The following HK2 variants were observed in gnomAD, a reference collection of about 807,000 sequenced individuals.
HK2 encodes the protein hexokinase 2.
Under a neutral mutation model 92.9 loss-of-function variants are expected in HK2, and 42 were observed. The observed-to-expected ratio is 0.45, with a 90% CI of 0.35 to 0.58. HK2 has a LOEUF of 0.58. HK2 is among the 20% of genes least tolerant of loss of function. HK2 has a pLI of 0.00. For synonymous variants in HK2, 422 were observed against 468.0 expected (o/e 0.90, Z 1.27); for missense variants, 978 against 1,245.1 (o/e 0.79, Z 3.23).
intron 16 of HK2, among the ~76,000 whole-genome samples, 194 bp downstream of exon 16, chr2:74,888,252 C>T (rs2279429): frequency 0.48 from 72,370 of 152,178 alleles, 18,130 homozygotes; most frequent in Middle Eastern, 0.74. Flanking sequence ...AGAGCATTCT[C>T]ATGAAAGTTT....
chr2:74,835,542 A>C (rs1018138808), intron 1 of HK2, among the ~76,000 whole-genome samples: 3 of 148,890 alleles, frequency 2.0e-5, no homozygotes, highest in Admixed American at 2.0e-4. Flanking sequence ...CGGCCGGGTC[A>C]TTTACATAAG....
rs1349052801 is a variant in HK2, at chr2:74,874,374, A to G, written c.800A>G (p.Asp267Gly). 6.2e-7 allele frequency: 1 copy of G among 1,613,878 alleles called. No homozygotes were observed. Among genetic ancestry groups the G allele is most frequent in the Non-Finnish European group, 8.5e-7 (1 of 1,179,962 alleles). Residue 267 changes from aspartate (D) to glycine (G), a missense_variant, in exon 7 of 18, where the codon GAT becomes GGT. Physicochemically the swap from Asp to Gly is moderately conservative, Grantham distance 94. This residue lies in a region of HK2 where 742 missense variants were observed against 922.5 expected (regional missense o/e 0.80). Transcript: ENST00000290573. ...ATGGAGTGGGGGGCCTTCGGGGACGATGGCTCGCTCAACGACATTCGCACT... is the reference window on the plus strand; with the variant it reads ...ATGGAGTGGGGGGCCTTCGGGGACGGTGGCTCGCTCAACGACATTCGCACT... ...INMEWGAFGD[D>G]GSLNDIRTEF...
At chr2:74,873,674 G>A (rs1689153795) in intron 5 of HK2, among the ~76,000 whole-genome samples, 170 bp from the exon 6 acceptor site, 1 of 151,984 alleles carries the variant, frequency 6.6e-6, no homozygotes, top group Admixed American at 6.5e-5. Flanking sequence ...GGAGTGGAAT[G>A]GCTCAGAGAG....
chr2:74,885,895 A>G (rs961592525), intron 13 of HK2, among the ~76,000 whole-genome samples: 8 of 140,314 alleles, frequency 5.7e-5, no homozygotes, highest in African/African-American at 2.5e-4. Context: ...CAGTAAAGGA[A>G]TAAAAGAATG....
At chr2:74,848,761 C>T (rs1239974674) in intron 1 of HK2, among the ~76,000 whole-genome samples, 1 of 152,164 alleles carries the variant, frequency 6.6e-6, no homozygotes, top group Non-Finnish European at 1.5e-5. Context: ...TGATCAAGGC[C>T]AGGTTCCCAC....
intron 2 of HK2, among the ~76,000 whole-genome samples, chr2:74,855,788 A>G (rs969035996): frequency 1.3e-5 from 2 of 152,190 alleles, no homozygotes; most frequent in African/African-American, 2.4e-5. Flanking sequence ...CCCAGCTGGT[A>G]GAGCACAAGA....
intron 2 of HK2, among the ~76,000 whole-genome samples, chr2:74,858,230 C>T (rs551225719): frequency 2.6e-5 from 4 of 152,184 alleles, no homozygotes; most frequent in Admixed American, 2.6e-4. Context: ...AAGAAAGTTG[C>T]TAGTCAGAAC....
intron 12 of HK2, among the ~76,000 whole-genome samples, chr2:74,885,085 G>GCGT: frequency 6.6e-6 from 1 of 152,214 alleles, no homozygotes; most frequent in Non-Finnish European, 1.5e-5. Context: ...GGAAGAAGTT[G>GCGT]CACAGCAGGG....
chr2:74,871,987 T>C (rs1434550777), intron 3 of HK2, among the ~76,000 whole-genome samples: 1 of 152,200 alleles, frequency 6.6e-6, no homozygotes, highest in African/African-American at 2.4e-5. Flanking sequence ...CTGATTAATG[T>C]TGGCCATGAT....
At chr2:74,860,836 A>T (rs558916615) in intron 2 of HK2, among the ~76,000 whole-genome samples, 36 of 152,306 alleles carry the variant, frequency 2.4e-4, no homozygotes, top group African/African-American at 8.4e-4. Context: ...AAATTGTTGA[A>T]CCATTTATAC....
intron 15 of HK2, among the ~76,000 whole-genome samples, chr2:74,887,107 G>A (rs1433244259): frequency 1.3e-5 from 2 of 152,190 alleles, no homozygotes; most frequent in Non-Finnish European, 2.9e-5. Context: ...AGGGGAGCGG[G>A]GTCTGAGCTA....
intron 1 of HK2, among the ~76,000 whole-genome samples, chr2:74,837,997 T>A (rs1465128077): frequency 6.6e-6 from 1 of 152,170 alleles, no homozygotes; most frequent in Non-Finnish European, 1.5e-5. Flanking sequence ...TTTGTGGCCC[T>A]GAACTCTGCT....
intron 4 of HK2, 74 bp from the exon 5 acceptor site, chr2:74,873,202 C>T (rs1238142983): frequency 1.6e-5 from 17 of 1,062,404 alleles, no homozygotes; most frequent in Non-Finnish European, 2.2e-5. Context: ...CTGCTAATGA[C>T]GGAGGTTTGA....
chr2:74,850,519 G>A (rs1244901439), intron 1 of HK2, among the ~76,000 whole-genome samples: 2 of 151,982 alleles, frequency 1.3e-5, no homozygotes, highest in Admixed American at 6.6e-5. Context: ...TGGGATTTTC[G>A]AACTAGTTAC....
chr2:74,872,385 T>G lies in HK2; in HGVS notation c.461T>G (p.Phe154Cys). ...KDKKLPLGFT[F>C]SFPCHQTKLD... ...AAGAAGCTCCCACTGGGTTTTACCTTCTCGTTCCCCTGCCACCAGACTAAA... is the reference window on the plus strand; with the variant it reads ...AAGAAGCTCCCACTGGGTTTTACCTGCTCGTTCCCCTGCCACCAGACTAAA... Residue 154 changes from phenylalanine to cysteine, a missense_variant, in exon 4 of 18, where the codon TTC becomes TGC. Phe to Cys is a radical substitution (Grantham distance 205). This residue lies in a region of HK2 where 189 missense variants were observed against 289.5 expected (regional missense o/e 0.65). Transcript: ENST00000290573. 1 of 1,614,096 alleles carries G rather than the reference T, an allele frequency of 6.2e-7. No homozygotes were observed. Among genetic ancestry groups the G allele is most frequent in the Admixed American group, 1.7e-5 (1 of 60,024 alleles).
chr2:74,886,350 C>T lies in HK2; in HGVS notation c.1992C>T (p.Thr664=), dbSNP rs28363051. 199 of 1,614,162 alleles carry T rather than the reference C, an allele frequency of 1.2e-4. No individual in the cohort carries two copies. The African/African-American group carries it at 2.5e-3, about 20-fold the overall frequency. The change falls in exon 14 of 18, where the codon ACC becomes ACT. Residue 664 remains threonine, a synonymous_variant. Transcript: ENST00000290573. ...ACGACACAGTCGGAACTATGATGAC[C>T]TGTGGCTTTGAAGACCCTCACTGTG... is the stretch of plus-strand genomic sequence containing the variant. ...VVNDTVGTMM[T]CGFEDPHCEV...
intron 1 of HK2, among the ~76,000 whole-genome samples, chr2:74,852,351 G>A (rs1222020532): frequency 6.6e-6 from 1 of 152,206 alleles, no homozygotes; most frequent in Non-Finnish European, 1.5e-5. Flanking sequence ...AGCCTCCAGG[G>A]TGGTCAGAGT....
In HK2 at chr2:74,889,367, T is replaced by C; in HGVS notation, c.2498T>C (p.Leu833Pro). ...GTGGTGGCCCGGCGGGCAGCCCAGC[T>C]CTGTGGCGCAGGCATGGCCGCTGTG... ...CTVVARRAAQ[L>P]CGAGMAAVVD... The change falls in exon 17 of 18, where the codon CTC becomes CCC. Residue 833 changes from leucine (L) to proline (P), a missense_variant. This residue lies in a region of HK2 where 742 missense variants were observed against 922.5 expected (regional missense o/e 0.80). Transcript: ENST00000290573. 1 of 1,614,192 alleles carries C rather than the reference T, an allele frequency of 6.2e-7. No homozygotes were observed. Among genetic ancestry groups the C allele is most frequent in the Non-Finnish European group, 8.5e-7 (1 of 1,180,042 alleles).
chr2:74,881,776 C>T lies in HK2; in HGVS notation c.1636C>T (p.Arg546Trp), dbSNP rs750742997. ...TTTCCGGGTCCTGCTGGTCCGTGTT[C>T]GGAATGGGAAGTGGGGTGGAGTGGA... ...TNFRVLLVRVRNGKWGGVEMH... is the reference protein window; with the variant it reads ...TNFRVLLVRVWNGKWGGVEMH... The change falls in exon 11 of 18, where the codon CGG becomes TGG. Residue 546 changes from arginine to tryptophan, a missense_variant. Coordinates refer to ENST00000290573, the MANE Select transcript of HK2 (RefSeq NM_000189.5). The T allele has an allele frequency of 3.0e-5, 48 of 1,614,000 alleles. No individual in the cohort carries two copies. The highest frequency in any genetic ancestry group is 3.5e-5 in the Non-Finnish European group (41 of 1,180,022).
Sources: allele counts gnomAD v4.1 joint callset (sites outside exome capture counted in the v4.1 genomes callset), GRCh38; gene constraint gnomAD v4.1.1; regional missense constraint gnomAD v4.1.1; transcripts MANE v1.5; gene names NCBI Gene and HGNC (gene_info 2026-07-23, HGNC 2026-07-21).